Variants in MME observed in about 807,000 individuals in gnomAD.
The protein encoded by MME is neprilysin.
In MME, 98 loss-of-function variants were observed where a neutral mutation model predicts 113.2. The ratio of observed to expected loss-of-function variants is 0.87; its 90% confidence interval spans 0.74 to 1.02. MME has a LOEUF of 1.02. Among genes scored for constraint, MME ranks in the 50% least tolerant of loss-of-function variants. MME has a pLI of 0.00. For synonymous variants in MME, 292 were observed against 300.6 expected, an observed-to-expected ratio of 0.97 and a Z score of 0.30; for missense variants, 836 against 896.0, an observed-to-expected ratio of 0.93 and a Z score of 0.86.
Position 155,109,946 on chromosome 3 carries a change from G to A in MME, c.197-5048G>A, listed in dbSNP as rs988589109. On this transcript the variant is annotated intron_variant, in intron 3 of 22. Transcript: ENST00000360490. ...GGGCCTTTGAGTGCATCCACCTAGC[G>A]TGGCCTCCATGCCACTTCCCTGTCT... is the stretch of plus-strand genomic sequence containing the variant. Among the ~76,000 whole-genome samples the A allele has an allele frequency of 5.9e-5, 9 of 152,290 alleles. No individual in the cohort carries two copies. The South Asian group carries it at 8.3e-4, about 14-fold the overall frequency.
intron 1 of MME, among the ~76,000 whole-genome samples, chr3:155,083,269 C>T (rs1406253912): frequency 6.6e-6 from 1 of 152,170 alleles, no homozygotes; most frequent in Non-Finnish European, 1.5e-5. Flanking sequence ...CTTCTCTGTG[C>T]CCCAGTTTCC....
At chr3:155,079,630 T>TGGGGGGGGGGGGGGGGGGGGGGGGGG (rs1455585736), upstream of MME, 1 of 27,480 alleles carries the variant, frequency 3.6e-5, no homozygotes, top group Admixed American at 3.3e-4. Context: ...GGGTAGGGGG[T>TGGGGGGGGGGGGGGGGGGGGGGGGGG]GGGGGGGGTG....
intron 17 of MME, 140 bp downstream of exon 17, chr3:155,160,588 T>C: frequency 1.6e-6 from 1 of 641,404 alleles, no homozygotes; most frequent in Non-Finnish European, 2.8e-6. Context: ...TTCTTGAAAG[T>C]AAATGCATCC....
At position 155,182,937 on chromosome 3, in the gene MME, C is replaced by A. The variant is rs200854907; in HGVS notation, c.*2478C>A. On this transcript the variant is annotated 3_prime_UTR_variant, in exon 23 of 23. Transcript: ENST00000360490. ...TGATGTCTCTAAAGCACTACCGATT[C>A]TTTGGAGTTGTCACATCAGATAAGA... 1 of 152,226 alleles carries A rather than the reference C, an allele frequency of 6.6e-6. No homozygotes were observed. Among genetic ancestry groups the A allele is most frequent in the Non-Finnish European group, 1.5e-5 (1 of 68,056 alleles). 9.4% of individuals were successfully genotyped at this position (152,226 alleles called of 1,614,324 possible). A position where few individuals can be genotyped will look rare whatever the true frequency, so the allele number is the denominator to read the frequency against.
intron 16 of MME, among the ~76,000 whole-genome samples, chr3:155,155,199 T>G (rs770070196): frequency 3.3e-5 from 5 of 152,126 alleles, no homozygotes; most frequent in Non-Finnish European, 5.9e-5. Flanking sequence ...GAAGGGGAAT[T>G]AGAAAAGGAA....
Position 155,138,128 on chromosome 3 carries a change from G to C in MME, c.747G>C (p.Met249Ile). ...CTTGTACAGCATATGTGGATTTTAT[G>C]ATTTCTGTGGCCAGATTGATTCGTC... ...KEACTAYVDF[M>I]ISVARLIRQE... The change falls in exon 9 of 23, where the codon ATG becomes ATC. Residue 249 changes from methionine to isoleucine, a missense_variant. Coordinates refer to ENST00000360490, the MANE Select transcript of MME (RefSeq NM_007289.4). The C allele has an allele frequency of 6.2e-7, 1 of 1,613,610 alleles. No individual in the cohort carries two copies. The highest frequency in any genetic ancestry group is 2.2e-5 in the East Asian group (1 of 44,830).
At chr3:155,092,914 GGACTGT>G (rs1425792490) in intron 3 of MME, among the ~76,000 whole-genome samples, 1 of 152,080 alleles carries the variant, frequency 6.6e-6, no homozygotes, top group Admixed American at 6.6e-5. Flanking sequence ...TTCTAAAATT[GGACTGT>G]GACAAATTCT....
chr3:155,172,433 C>A, intron 21 of MME, 103 bp from the exon 22 acceptor site: 1 of 967,528 alleles, frequency 1.0e-6, no homozygotes, highest in Non-Finnish European at 1.7e-6. Context: ...TTGAGGAATG[C>A]AGAATTCCAA....
At chr3:155,035,788 G>T (rs1325991911) in intron 1 of MME, among the ~76,000 whole-genome samples, 9 of 152,134 alleles carry the variant, frequency 5.9e-5, no homozygotes, top group Non-Finnish European at 1.3e-4. Context: ...CAGATGATGA[G>T]GGACCTAGCT....
chr3:155,045,390 C>T (rs1713523445), intron 1 of MME, among the ~76,000 whole-genome samples: 2 of 152,090 alleles, frequency 1.3e-5, no homozygotes, highest in East Asian at 1.9e-4. Flanking sequence ...CCTCATGATC[C>T]GCCCACCTCA....
intron 1 of MME, among the ~76,000 whole-genome samples, chr3:155,050,888 A>T (rs1024567872): frequency 2.6e-5 from 4 of 152,114 alleles, no homozygotes; most frequent in Non-Finnish European, 5.9e-5. Context: ...TGGGGTCTTC[A>T]TCATGAAATT....
rs1720981231 is a variant in MME at position 155,140,404 on chromosome 3, C to G, written c.957+112C>G. 9.6e-6 allele frequency: 4 copies of G among 416,896 alleles called. No individual in the cohort carries two copies. In the East Asian group the frequency reaches 2.4e-4, roughly 25 times the overall value. 25.8% of individuals were successfully genotyped at this position (416,896 alleles called of 1,614,324 possible). On this transcript the variant is annotated intron_variant, in intron 10 of 22. Coordinates refer to ENST00000360490, the MANE Select transcript of MME (RefSeq NM_007289.4). ...TTATTTATTGAAGTAAATGGGACTTCAATTCCTTTTTTTTTTTTTTTTTTT... is the reference window on the plus strand; with the variant it reads ...TTATTTATTGAAGTAAATGGGACTTGAATTCCTTTTTTTTTTTTTTTTTTT...
chr3:155,156,115 C>A (rs967081606), intron 16 of MME, among the ~76,000 whole-genome samples: 2 of 152,092 alleles, frequency 1.3e-5, no homozygotes, highest in African/African-American at 4.8e-5. Flanking sequence ...TGTGCTTTTG[C>A]CTTTGGGTAA....
intron 1 of MME, among the ~76,000 whole-genome samples, chr3:155,074,577 A>G (rs1714683194): frequency 6.6e-6 from 1 of 151,942 alleles, no homozygotes; most frequent in African/African-American, 2.4e-5. Flanking sequence ...GATTACAAGC[A>G]CGTGCCACGA....
At chr3:155,066,992 T>G (rs983994654) in intron 1 of MME, among the ~76,000 whole-genome samples, 3 of 152,132 alleles carry the variant, frequency 2.0e-5, no homozygotes, top group African/African-American at 7.2e-5. Flanking sequence ...TTAGAACGCA[T>G]AGCATGTTTT....
intron 3 of MME, among the ~76,000 whole-genome samples, chr3:155,104,371 T>C: frequency 6.6e-6 from 1 of 152,224 alleles, no homozygotes; most frequent in East Asian, 1.9e-4. Flanking sequence ...AGCCAAATAC[T>C]GCCTTGTGCC....
rs1043463080 is a variant in MME at position 155,183,601 on chromosome 3, T to C, written c.*3142T>C. 1 of 152,228 alleles carries C rather than the reference T, an allele frequency of 6.6e-6. No individual in the cohort carries two copies. The highest frequency in any genetic ancestry group is 1.5e-5 in the Non-Finnish European group (1 of 68,050). The allele number at this position is 152,228 out of a possible 1,614,324, so 9.4% of individuals were successfully genotyped here. A position where few individuals can be genotyped will look rare whatever the true frequency, so the allele number is the denominator to read the frequency against. On this transcript the variant is annotated 3_prime_UTR_variant, in exon 23 of 23. Coordinates refer to ENST00000360490, the MANE Select transcript of MME (RefSeq NM_007289.4). ...CTCTCAAACTAAAAGACATTTGTTA[T>C]TTTGGAAAGAAGAAAGACTCTATTC...
chr3:155,151,678 A>G (rs1721945349), intron 16 of MME, among the ~76,000 whole-genome samples: 1 of 152,224 alleles, frequency 6.6e-6, no homozygotes, highest in African/African-American at 2.4e-5. Context: ...CTACCAAGAC[A>G]GAAACCAAGG....
intron 16 of MME, among the ~76,000 whole-genome samples, chr3:155,159,338 A>G (rs963828971): frequency 1.3e-5 from 2 of 152,060 alleles, no homozygotes; most frequent in African/African-American, 2.4e-5. Context: ...CCATGAAAGT[A>G]GAACAACTGC....
Sources: allele counts gnomAD v4.1 joint callset (sites outside exome capture counted in the v4.1 genomes callset), GRCh38; gene constraint gnomAD v4.1.1; transcripts MANE v1.5; gene names NCBI Gene and HGNC (gene_info 2026-07-23, HGNC 2026-07-21).